The following MICU2 variants were observed in gnomAD, a reference collection of about 807,000 sequenced individuals.
The protein encoded by MICU2 is calcium uptake protein 2, mitochondrial.
In MICU2, 64 loss-of-function variants were observed where a neutral mutation model predicts 60.4. The observed-to-expected ratio is 1.06, with a 90% CI of 0.87 to 1.31. The LOEUF is 1.31. Ranked by LOEUF, MICU2 falls within the 50% of genes most tolerant of loss-of-function variation. MICU2 has a pLI of 0.00. For missense variants in MICU2, 569 were observed against 531.0 expected (o/e 1.07, Z -0.70); for synonymous variants, 201 against 175.0 (o/e 1.15, Z -1.17).
At chr13:21,555,107 A>C in intron 2 of MICU2, among the ~76,000 whole-genome samples, 1 of 152,248 alleles carries the variant, frequency 6.6e-6, no homozygotes, top group East Asian at 1.9e-4. Flanking sequence ...AGAAGCTGAT[A>C]CCATTCCTTC....
chr13:21,496,492 G>A, intron 9 of MICU2: 1 of 269,190 alleles, frequency 3.7e-6, no homozygotes, highest in Non-Finnish European at 7.2e-6. Flanking sequence ...GCGGCAGCTT[G>A]AAGAGACTAA....
intron 6 of MICU2, among the ~76,000 whole-genome samples, chr13:21,518,339 C>G (rs1285885717): frequency 2.0e-5 from 3 of 152,156 alleles, no homozygotes; most frequent in Admixed American, 1.3e-4. Flanking sequence ...TTTTCATGTT[C>G]AGTTTCATGC....
At chr13:21,524,733 C>T (rs919222705) in intron 4 of MICU2, among the ~76,000 whole-genome samples, 2 of 152,204 alleles carry the variant, frequency 1.3e-5, no homozygotes, top group Non-Finnish European at 2.9e-5. Flanking sequence ...TCATGCTAAA[C>T]AGAAACACTG....
At chr13:21,524,582 T>A (rs1220466700) in intron 4 of MICU2, among the ~76,000 whole-genome samples, 1 of 152,256 alleles carries the variant, frequency 6.6e-6, no homozygotes, top group African/African-American at 2.4e-5. Flanking sequence ...TTGCACTTGG[T>A]GAGTAGGTCT....
chr13:21,593,605 G>C (rs1267576549), intron 1 of MICU2, among the ~76,000 whole-genome samples: 16 of 135,696 alleles, frequency 1.2e-4, no homozygotes, highest in African/African-American at 4.2e-4. Flanking sequence ...CAAAGCTGGA[G>C]GCATCATGCT....
intron 4 of MICU2, among the ~76,000 whole-genome samples, chr13:21,534,085 A>G (rs1887074898): frequency 6.6e-6 from 1 of 152,194 alleles, no homozygotes. Context: ...GTCTAAAAAA[A>G]AAAAAAAAGA....
intron 2 of MICU2, among the ~76,000 whole-genome samples, chr13:21,547,290 T>C (rs900277355): frequency 6.6e-6 from 1 of 152,164 alleles, no homozygotes; most frequent in Non-Finnish European, 1.5e-5. Flanking sequence ...GTCTTTTCAA[T>C]TTTGAAAATG....
At chr13:21,502,865 G>T in intron 9 of MICU2, 61 bp downstream of exon 9, 1 of 1,479,956 alleles carries the variant, frequency 6.8e-7, no homozygotes, top group Non-Finnish European at 9.2e-7. Flanking sequence ...GTTACTTTAT[G>T]TAAACATGTC....
intron 1 of MICU2, among the ~76,000 whole-genome samples, chr13:21,568,196 CAG>C (rs1375484040): frequency 6.6e-6 from 1 of 152,138 alleles, no homozygotes; most frequent in Non-Finnish European, 1.5e-5. Context: ...ACATGAATTC[CAG>C]TTGCTTAAAT....
chr13:21,499,839 C>T (rs967872786), intron 9 of MICU2, among the ~76,000 whole-genome samples: 4 of 48,760 alleles, frequency 8.2e-5, no homozygotes, highest in Non-Finnish European at 1.8e-4. Context: ...GCCTGGCCAA[C>T]AACACAGTGA....
chr13:21,594,212 G>C (rs1888645028), intron 1 of MICU2, among the ~76,000 whole-genome samples: 1 of 152,114 alleles, frequency 6.6e-6, no homozygotes, highest in Non-Finnish European at 1.5e-5. Flanking sequence ...CCACCAAAAA[G>C]TGGGCAAAGG....
intron 2 of MICU2, among the ~76,000 whole-genome samples, chr13:21,544,523 A>AAC (rs1353197302): frequency 1.4e-5 from 2 of 145,786 alleles, no homozygotes; most frequent in African/African-American, 5.0e-5. Flanking sequence ...CATGAAAAAA[A>AAC]AAAAAAAAAA....
At chr13:21,535,114 AT>A (rs1010151317) in intron 4 of MICU2, among the ~76,000 whole-genome samples, 4 of 151,248 alleles carry the variant, frequency 2.6e-5, no homozygotes, top group African/African-American at 4.8e-5. Flanking sequence ...TTATCTCTCA[AT>A]TTTTTTTTCC....
intron 6 of MICU2, chr13:21,515,678 G>T (rs1886553735): frequency 1.1e-5 from 3 of 283,738 alleles, no homozygotes; most frequent in African/African-American, 2.2e-5. Context: ...TTTTTTTCTG[G>T]GCTATTTAAC....
At chr13:21,538,562 C>CAAAAAAAA (rs71650194) in intron 4 of MICU2, among the ~76,000 whole-genome samples, 1 of 102,194 alleles carries the variant, frequency 9.8e-6, no homozygotes, top group Non-Finnish European at 1.9e-5. Flanking sequence ...GACCCTGTCT[C>CAAAAAAAA]AAAAAAAAAA....
At chr13:21,603,897 G>A in intron 1 of MICU2, 42 bp downstream of exon 1, 1 of 1,601,184 alleles carries the variant, frequency 6.2e-7, no homozygotes, top group Non-Finnish European at 8.5e-7. Flanking sequence ...TCAGGGGAGG[G>A]AGGAGCTTGA....
Position 21,539,682 on chromosome 13 carries a change from G to T in MICU2, c.365C>A (p.Thr122Asn). Residue 122 changes from threonine to asparagine, a missense_variant, in exon 3 of 12, where the codon ACT becomes AAT. Transcript: ENST00000382374. ...SVMFEQMERK[T>N]SVKKLTKKDI... is the part of the protein sequence containing the mutation. ...CTTTTTTGTCAGCTTCTTGACTGAA[G>T]TTTTACCTACAACAAATAAGAAACA... The T allele has an allele frequency of 6.2e-7, 1 of 1,613,860 alleles. No homozygotes were observed. The highest frequency in any genetic ancestry group is 8.5e-7 in the Non-Finnish European group (1 of 1,179,900).
rs934591902 is a variant in MICU2 at position 21,510,059 on chromosome 13, T to C, written c.706A>G (p.Met236Val). The change falls in exon 8 of 12, where the codon ATG becomes GTG. Residue 236 changes from methionine to valine, a missense_variant. Physicochemically the swap from Met to Val is conservative, Grantham distance 21. Coordinates refer to ENST00000382374, the MANE Select transcript of MICU2 (RefSeq NM_152726.3). ...TGTCCTCTTTTTCCAAAGAAACGCA[T>C]CTGAAGAGTTGTGTTAATTTCAGGT... is the stretch of plus-strand genomic sequence containing the variant. Reference protein sequence around the residue: ...KEPEINTTLQMRFFGKRGQRK... With the variant: ...KEPEINTTLQVRFFGKRGQRK... 16 of 1,537,088 alleles carry C rather than the reference T, an allele frequency of 1.0e-5. No homozygotes were observed. The highest frequency in any genetic ancestry group is 1.4e-5 in the Non-Finnish European group (16 of 1,148,190).
intron 6 of MICU2, among the ~76,000 whole-genome samples, chr13:21,519,751 G>C (rs1415920425): frequency 6.6e-6 from 1 of 152,180 alleles, no homozygotes; most frequent in Non-Finnish European, 1.5e-5. Context: ...TCAGAGTCAG[G>C]ATCTTTCTCA....
Sources: gnomAD v4.1 joint callset for allele counts (sites outside exome capture counted in the v4.1 genomes callset) on GRCh38, gnomAD v4.1.1 for gene constraint, MANE v1.5 for transcripts, NCBI Gene and HGNC (gene_info 2026-07-23, HGNC 2026-07-21) for gene names.